The following BBS9 variants were observed in gnomAD, a reference collection of about 807,000 sequenced individuals.
BBS9 encodes the protein Bardet-Biedl syndrome 9.
Under a neutral mutation model 117.7 loss-of-function variants are expected in BBS9, and 89 were observed. The observed-to-expected ratio is 0.76, with a 90% CI of 0.64 to 0.90. BBS9 has a LOEUF of 0.90. Among genes scored for constraint, BBS9 ranks in the 40% least tolerant of loss-of-function variants. The pLI is 0.00. For missense variants in BBS9, 982 were observed against 1,042.2 expected (o/e 0.94, Z 0.80); for synonymous variants, 379 against 370.9 (o/e 1.02, Z -0.25).
chr7:33,586,039 C>G (rs1284735942), intron 21 of BBS9, among the ~76,000 whole-genome samples: 3 of 151,906 alleles, frequency 2.0e-5, no homozygotes, highest in Non-Finnish European at 4.4e-5. Flanking sequence ...TTTATTTACT[C>G]CCCACAATCA....
intron 9 of BBS9, among the ~76,000 whole-genome samples, chr7:33,292,392 T>C (rs1308860950): frequency 6.6e-6 from 1 of 152,004 alleles, no homozygotes; most frequent in Non-Finnish European, 1.5e-5. Context: ...CACACCTGGC[T>C]ACTTTTGAAT....
intron 4 of BBS9, among the ~76,000 whole-genome samples, chr7:33,159,815 A>T (rs967032965): frequency 6.6e-6 from 1 of 152,206 alleles, no homozygotes; most frequent in African/African-American, 2.4e-5. Context: ...AGAATATAGC[A>T]CACTAGGGAG....
At chr7:33,215,789 G>A (rs1788938652) in intron 5 of BBS9, among the ~76,000 whole-genome samples, 1 of 152,228 alleles carries the variant, frequency 6.6e-6, no homozygotes, top group Admixed American at 6.5e-5. Flanking sequence ...TTACATGCGG[G>A]AGCTAAAAAA....
intron 4 of BBS9, among the ~76,000 whole-genome samples, chr7:33,172,942 T>C (rs1045717185): frequency 6.6e-6 from 1 of 152,238 alleles, no homozygotes; most frequent in Non-Finnish European, 1.5e-5. Context: ...GAAGAGTTTC[T>C]AATATACACA....
At chr7:33,180,634 C>T (rs1204121945) in intron 5 of BBS9, among the ~76,000 whole-genome samples, 2 of 152,128 alleles carry the variant, frequency 1.3e-5, no homozygotes, top group East Asian at 3.9e-4. Flanking sequence ...GGATTACAGG[C>T]GTGAGCCACT....
At chr7:33,493,876 A>T (rs1844363424) in intron 19 of BBS9, among the ~76,000 whole-genome samples, 1 of 152,200 alleles carries the variant, frequency 6.6e-6, no homozygotes, top group African/African-American at 2.4e-5. Flanking sequence ...ACATGTCTTT[A>T]ATACCATTAA....
At chr7:33,632,705 A>G (rs2129230638) in intron 21 of BBS9, among the ~76,000 whole-genome samples, 1 of 151,820 alleles carries the variant, frequency 6.6e-6, no homozygotes, top group East Asian at 2.0e-4. Flanking sequence ...CAGTCTCCGC[A>G]GTAAAGGAAG....
chr7:33,390,607 G>T (rs1473277228), intron 19 of BBS9: 4 of 969,904 alleles, frequency 4.1e-6, no homozygotes, highest in South Asian at 9.5e-5. Context: ...GGTGTTGATT[G>T]TTCAATAAGT....
intron 20 of BBS9, among the ~76,000 whole-genome samples, chr7:33,518,457 G>A (rs974797018): frequency 2.6e-5 from 4 of 151,672 alleles, no homozygotes; most frequent in African/African-American, 9.7e-5. Flanking sequence ...CATCATGTTG[G>A]CCAGAATGGT....
intron 19 of BBS9, among the ~76,000 whole-genome samples, chr7:33,392,618 T>A (rs1317603260): frequency 6.6e-6 from 1 of 152,224 alleles, no homozygotes; most frequent in Non-Finnish European, 1.5e-5. Context: ...TGTACTTTTT[T>A]ATAATCTATC....
At chr7:33,199,769 T>G (rs1317493267) in intron 5 of BBS9, among the ~76,000 whole-genome samples, 1 of 151,560 alleles carries the variant, frequency 6.6e-6, no homozygotes, top group East Asian at 1.9e-4. Flanking sequence ...AAGGATGAAG[T>G]TTTTAGGCAA....
At chr7:33,359,575 T>C (rs1198481576) in intron 16 of BBS9, among the ~76,000 whole-genome samples, 1 of 152,076 alleles carries the variant, frequency 6.6e-6, no homozygotes, top group Non-Finnish European at 1.5e-5. Context: ...GAGTGGTTTT[T>C]AAAAAATTCC....
At chr7:33,548,364 T>C (rs1853760472) in intron 21 of BBS9, among the ~76,000 whole-genome samples, 2 of 152,296 alleles carry the variant, frequency 1.3e-5, no homozygotes, top group African/African-American at 2.4e-5. Flanking sequence ...TTTTTTATTA[T>C]ACTTTAAGTT....
chr7:33,138,354 A>T (rs1326184936), intron 1 of BBS9, among the ~76,000 whole-genome samples: 1 of 151,188 alleles, frequency 6.6e-6, no homozygotes, highest in Non-Finnish European at 1.5e-5. Context: ...AAAGAAGGGG[A>T]AAACTGGAGC....
chr7:33,182,746 A>G (rs897264344), intron 5 of BBS9, among the ~76,000 whole-genome samples: 1 of 152,192 alleles, frequency 6.6e-6, no homozygotes, highest in African/African-American at 2.4e-5. Flanking sequence ...CACAGACAAA[A>G]GAAGATCCAA....
At chr7:33,290,006 A>G (rs1220466936) in intron 9 of BBS9, among the ~76,000 whole-genome samples, 1 of 151,718 alleles carries the variant, frequency 6.6e-6, no homozygotes, top group Admixed American at 6.6e-5. Flanking sequence ...AGAGTGCACC[A>G]CTGCACTCCA....
intron 19 of BBS9, 119 bp downstream of exon 19, chr7:33,388,263 G>T: frequency 8.0e-7 from 1 of 1,248,978 alleles, no homozygotes; most frequent in Non-Finnish European, 1.2e-6. Flanking sequence ...AAGGAACAGT[G>T]AACAGTGCAC....
intron 8 of BBS9, 50 bp downstream of exon 8, chr7:33,273,245 A>T (rs1167823532): frequency 3.8e-6 from 6 of 1,585,132 alleles, no homozygotes; most frequent in Non-Finnish European, 4.3e-6. Context: ...AGGCTATGTG[A>T]TATACACCAG....
chr7:33,361,056 A>G (rs1820529538), intron 16 of BBS9, among the ~76,000 whole-genome samples: 1 of 152,204 alleles, frequency 6.6e-6, no homozygotes, highest in Non-Finnish European at 1.5e-5. Context: ...TAATGATGAT[A>G]ACTTTTATCA....
Sources: allele counts gnomAD v4.1 joint callset (sites outside exome capture counted in the v4.1 genomes callset), GRCh38; gene constraint gnomAD v4.1.1; transcripts MANE v1.5; gene names NCBI Gene and HGNC (gene_info 2026-07-23, HGNC 2026-07-21).